Variants in TENM3 observed in about 807,000 individuals in gnomAD.
TENM3 encodes the protein teneurin-3.
A neutral mutation model predicts 255.1 loss-of-function variants in TENM3; 63 were observed. The observed-to-expected ratio is 0.25, with a 90% CI of 0.20 to 0.30. The LOEUF is 0.30. Among genes scored for constraint, TENM3 ranks in the 10% least tolerant of loss-of-function variants. TENM3 has a pLI of 1.00. For missense variants in TENM3, 2,929 were observed against 3,461.1 expected (o/e 0.85, Z 3.86); for synonymous variants, 1,306 against 1,322.3 (o/e 0.99, Z 0.27).
chr4:182,323,127 C>T (rs1487732822), intron 1 of TENM3, among the ~76,000 whole-genome samples: 1 of 152,108 alleles, frequency 6.6e-6, no homozygotes, highest in East Asian at 1.9e-4. Flanking sequence ...TTTCCTCCCA[C>T]CCTTTCCACT....
At chr4:182,195,651 A>T (rs916861486) in intron 1 of TENM3, among the ~76,000 whole-genome samples, 14 of 152,118 alleles carry the variant, frequency 9.2e-5, no homozygotes, top group Non-Finnish European at 1.8e-4. Context: ...TAAAAAATAT[A>T]AAAAAACCTT....
At chr4:181,567,108 G>A in the TENM3 span, among the ~76,000 whole-genome samples, 1 of 152,152 alleles carries the variant, frequency 6.6e-6, no homozygotes, top group Non-Finnish European at 1.5e-5. Context: ...ACCATACTCT[G>A]ATCAATAAGA....
intron 3 of TENM3, among the ~76,000 whole-genome samples, chr4:182,450,928 C>T (rs1773403566): frequency 6.6e-6 from 1 of 152,172 alleles, no homozygotes; most frequent in Non-Finnish European, 1.5e-5. Context: ...TAGAAAGGCG[C>T]ATTCCAAATG....
chr4:181,830,821 A>G, the TENM3 span, among the ~76,000 whole-genome samples: 4 of 152,108 alleles, frequency 2.6e-5, no homozygotes, highest in East Asian at 1.9e-4. Flanking sequence ...CCCGTCACCA[A>G]GTTTCCTGAG....
At chr4:182,418,145 GA>G (rs1332712957) in intron 3 of TENM3, among the ~76,000 whole-genome samples, 3 of 151,904 alleles carry the variant, frequency 2.0e-5, no homozygotes, top group Admixed American at 6.6e-5. Context: ...AAATACTGGT[GA>G]AAAAAAAGCA....
At chr4:182,595,714 C>T (rs141184454) in intron 3 of TENM3, among the ~76,000 whole-genome samples, 3 of 151,400 alleles carry the variant, frequency 2.0e-5, no homozygotes, top group South Asian at 2.1e-4. Flanking sequence ...ACCATGGTAC[C>T]GAGAATTTAA....
At chr4:181,513,853 C>T in the TENM3 span, among the ~76,000 whole-genome samples, 3 of 152,146 alleles carry the variant, frequency 2.0e-5, no homozygotes, top group African/African-American at 7.2e-5. Flanking sequence ...TAAAACCAGC[C>T]ACTTGACGTA....
chr4:182,384,419 G>A (rs1199197930), intron 3 of TENM3, among the ~76,000 whole-genome samples: 3 of 151,206 alleles, frequency 2.0e-5, no homozygotes, highest in African/African-American at 7.3e-5. Flanking sequence ...GTTTTATTAT[G>A]TATGTTTACA....
chr4:182,584,409 A>G (rs1393937413), intron 3 of TENM3, among the ~76,000 whole-genome samples: 1 of 152,096 alleles, frequency 6.6e-6, no homozygotes, highest in Non-Finnish European at 1.5e-5. Context: ...TGGGAGCATG[A>G]TTTTCTAGTG....
At chr4:181,985,315 T>C in the TENM3 span, among the ~76,000 whole-genome samples, 2 of 142,756 alleles carry the variant, frequency 1.4e-5, no homozygotes, top group African/African-American at 5.2e-5. Flanking sequence ...AAGGTTCCCA[T>C]AGAGAAAAAA....
intron 1 of TENM3, among the ~76,000 whole-genome samples, chr4:182,150,019 C>T (rs895993546): frequency 2.6e-5 from 4 of 151,772 alleles, no homozygotes; most frequent in African/African-American, 7.3e-5. Flanking sequence ...ACAAAAATTG[C>T]GTTTGTTGAT....
At chr4:181,679,886 T>G in the TENM3 span, among the ~76,000 whole-genome samples, 1 of 152,126 alleles carries the variant, frequency 6.6e-6, no homozygotes, top group Non-Finnish European at 1.5e-5. Flanking sequence ...TAGTTCAAAG[T>G]GGGGTTCAGG....
rs184008220 is a variant in TENM3 at position 182,171,280 on chromosome 4, A to G, written c.-76+26526A>G. Reference sequence around the variant, plus strand: ...GAGTTACTAGATACTGTTATATTTAATTAGTCTATGAGCCCAAGATTAAAT... The same window carrying G: ...GAGTTACTAGATACTGTTATATTTAGTTAGTCTATGAGCCCAAGATTAAAT... On this transcript the variant is annotated intron_variant, in intron 1 of 2. Coordinates refer to the TENM3 transcript ENST00000512480. Among the ~76,000 whole-genome samples, 252 of 152,318 alleles carry G rather than the reference A, an allele frequency of 1.7e-3. 1 individual carries two copies. The highest frequency in any genetic ancestry group is 5.6e-3 in the African/African-American group (232 of 41,580).
chr4:182,103,650 A>G, the TENM3 span, among the ~76,000 whole-genome samples: 2 of 152,202 alleles, frequency 1.3e-5, no homozygotes, highest in Non-Finnish European at 2.9e-5. Context: ...GCTGACAGCA[A>G]AGCCAAAGGA....
At chr4:182,276,280 A>G (rs1759994929) in intron 1 of TENM3, among the ~76,000 whole-genome samples, 1 of 152,252 alleles carries the variant, frequency 6.6e-6, no homozygotes, top group African/African-American at 2.4e-5. Context: ...GATGTCTCTC[A>G]TTGACCTTTT....
At chr4:181,957,597 G>A in the TENM3 span, among the ~76,000 whole-genome samples, 22,550 of 152,036 alleles carry the variant, frequency 0.15, 1,933 homozygotes, top group African/African-American at 0.23. Flanking sequence ...ATCAGCAGAC[G>A]GGAAACATTT....
the TENM3 span, among the ~76,000 whole-genome samples, chr4:182,050,998 G>C: frequency 6.6e-6 from 1 of 152,100 alleles, no homozygotes; most frequent in African/African-American, 2.4e-5. Flanking sequence ...CTCTTGGTGT[G>C]CTGATTAATG....
chr4:181,515,834 TCCC>T, the TENM3 span, among the ~76,000 whole-genome samples: 1 of 152,066 alleles, frequency 6.6e-6, no homozygotes, highest in Non-Finnish European at 1.5e-5. Flanking sequence ...GATACAGCAA[TCCC>T]CTTACTGGGA....
At chr4:181,521,795 T>C in the TENM3 span, among the ~76,000 whole-genome samples, 1 of 151,996 alleles carries the variant, frequency 6.6e-6, no homozygotes, top group African/African-American at 2.4e-5. Context: ...TCTGCTAAAG[T>C]CACTTAAGAA....
Sources: gnomAD v4.1 joint callset for allele counts (sites outside exome capture counted in the v4.1 genomes callset) on GRCh38, gnomAD v4.1.1 for gene constraint, MANE v1.5 for transcripts, NCBI Gene and HGNC (gene_info 2026-07-23, HGNC 2026-07-21) for gene names.